Variants in EPG5 observed in about 807,000 individuals in gnomAD.
EPG5 encodes the protein ectopic P-granules 5 autophagy tethering factor.
A neutral mutation model predicts 302.7 loss-of-function variants in EPG5; 159 were observed. The observed-to-expected ratio is 0.53, with a 90% CI of 0.46 to 0.60. The LOEUF (loss-of-function observed/expected upper bound fraction) is 0.60. Among genes scored for constraint, EPG5 ranks in the 20% least tolerant of loss-of-function variants. The pLI, the probability that EPG5 is intolerant of heterozygous loss-of-function variation, is 0.00. For synonymous variants in EPG5, 1,158 were observed against 1,136.8 expected (o/e 1.02, Z -0.37); for missense variants, 2,896 against 3,092.4 (o/e 0.94, Z 1.51).
chr18:45,813,467 G>A, the EPG5 span, among the ~76,000 whole-genome samples: 7 of 152,244 alleles, frequency 4.6e-5, no homozygotes, highest in East Asian at 3.9e-4. Flanking sequence ...ACATGCACAC[G>A]TATGTTTATT....
chr18:45,846,158 A>C (rs1002192338), downstream of EPG5, among the ~76,000 whole-genome samples: 1 of 152,072 alleles, frequency 6.6e-6, no homozygotes, highest in Non-Finnish European at 1.5e-5. Flanking sequence ...CTGGCCACTA[A>C]AGTCCAGTCC....
chr18:45,948,408 GCT>G, intron 6 of EPG5, 93 bp downstream of exon 6: 1 of 947,554 alleles, frequency 1.1e-6, no homozygotes, highest in Admixed American at 1.9e-5. Flanking sequence ...ACTTCCCTTA[GCT>G]GTTCTTCTTT....
At chr18:45,961,705 A>C (rs571943810) in intron 1 of EPG5, among the ~76,000 whole-genome samples, 16 of 152,216 alleles carry the variant, frequency 1.1e-4, no homozygotes, top group African/African-American at 3.9e-4. Context: ...AAAGTAAAAA[A>C]ACATTAGCCA....
intron 26 of EPG5, 112 bp downstream of exon 26, chr18:45,900,884 A>G (rs1230011504): frequency 8.0e-7 from 1 of 1,255,164 alleles, no homozygotes; most frequent in East Asian, 2.3e-5. Flanking sequence ...AGGTTGGTCA[A>G]ACTATCCTCA....
Position 45,876,281 on chromosome 18 carries a change from G to T in EPG5, c.6004C>A (p.Gln2002Lys), listed in dbSNP as rs773417279. The T allele has an allele frequency of 6.2e-7, 1 of 1,614,094 alleles. No individual in the cohort carries two copies. Among genetic ancestry groups the T allele is most frequent in the Non-Finnish European group, 8.5e-7 (1 of 1,179,976 alleles). The change falls in exon 35 of 44, where the codon CAG (glutamine) becomes AAG (lysine). Residue 2002 changes from glutamine to lysine, a missense_variant. Gln to Lys is a moderately conservative substitution (Grantham distance 53). Transcript: ENST00000282041. ...GAGTCAATACAGTCAGTGAACAGCT[G>T]CACAATGCTTGAGGCCACCACAGTA... is the stretch of plus-strand genomic sequence containing the variant. ...SDTVVASSIVQLFTDCIDSLH... is the reference protein window; with the variant it reads ...SDTVVASSIVKLFTDCIDSLH...
chr18:45,870,471 G>T, intron 36 of EPG5, 96 bp downstream of exon 36: 1 of 1,096,134 alleles, frequency 9.1e-7, no homozygotes, highest in South Asian at 1.7e-5. Context: ...GTCCACGCTA[G>T]CACACACTGC....
At chr18:45,861,302 G>A (rs1039763753) in intron 39 of EPG5, among the ~76,000 whole-genome samples, 1 of 152,146 alleles carries the variant, frequency 6.6e-6, no homozygotes, top group Non-Finnish European at 1.5e-5. Flanking sequence ...ATTTCTATGG[G>A]TACAAATATT....
chr18:45,868,812 T>C (rs1042789968), intron 36 of EPG5, among the ~76,000 whole-genome samples: 1 of 151,676 alleles, frequency 6.6e-6, no homozygotes, highest in Middle Eastern at 3.2e-3. Flanking sequence ...TCCCAGCACT[T>C]TGGGAGGCCA....
rs148801363 is a variant in EPG5 at position 45,881,698 on chromosome 18, T to C, written c.5518+576A>G. Among the ~76,000 whole-genome samples, 680 of 152,272 alleles carry C rather than the reference T, an allele frequency of 4.5e-3. 5 individuals carry two copies. The highest frequency in any genetic ancestry group is 0.016 in the African/African-American group (648 of 41,546). ...TTTATTTCTCCTCTAAACTCTAAAA[T>C]TGCTATAGAAAATTGTAAGAAGGGG... On this transcript the variant is annotated intron_variant, in intron 31 of 43. Transcript: ENST00000282041.
At chr18:45,950,253 G>C (rs554732081) in intron 4 of EPG5, among the ~76,000 whole-genome samples, 9 of 152,150 alleles carry the variant, frequency 5.9e-5, no homozygotes, top group Admixed American at 1.3e-4. Flanking sequence ...AAGATATCTT[G>C]GTGATATGGT....
chr18:45,915,507 C>G lies in EPG5; in HGVS notation c.3693+4G>C, dbSNP rs1292946057. On this transcript the variant is annotated splice_donor_region_variant and intron_variant, in intron 20 of 43. Transcript: ENST00000282041. ...ACAAATGATCCTCTCAGTGAGTTTC[C>G]TACCTGAGTGGGCGTGGCCAAGCCC... 1.1e-5 allele frequency: 18 copies of G among 1,603,428 alleles called. No homozygotes were observed. The highest frequency in any genetic ancestry group is 1.5e-5 in the Non-Finnish European group (17 of 1,170,800).
intron 10 of EPG5, among the ~76,000 whole-genome samples, chr18:45,938,339 G>A (rs1457543441): frequency 1.3e-5 from 2 of 151,854 alleles, no homozygotes; most frequent in African/African-American, 4.8e-5. Flanking sequence ...GCAAGCGCCT[G>A]TAATCCCAGC....
At chr18:45,829,163 C>T in the EPG5 span, 1 of 985,408 alleles carries the variant, frequency 1.0e-6, no homozygotes, top group Non-Finnish European at 1.2e-6. Context: ...AGCCTGTGGC[C>T]CTGCCTCTCC....
intron 27 of EPG5, among the ~76,000 whole-genome samples, chr18:45,898,639 T>C (rs1321105423): frequency 6.6e-6 from 1 of 152,170 alleles, no homozygotes; most frequent in East Asian, 1.9e-4. Flanking sequence ...CCCACGTTCA[T>C]CTTCAGGGGC....
At chr18:45,949,748 G>A (rs911273220) in intron 4 of EPG5, among the ~76,000 whole-genome samples, 157 bp from the exon 5 acceptor site, 4 of 152,096 alleles carry the variant, frequency 2.6e-5, no homozygotes, top group Non-Finnish European at 5.9e-5. Context: ...GTTTCTACGA[G>A]GCCTACAAAT....
chr18:45,901,139 C>T lies in EPG5; in HGVS notation c.4503G>A (p.Arg1501=), dbSNP rs1364017556. 6.2e-7 allele frequency: 1 copy of T among 1,614,116 alleles called. No homozygotes were observed. Among genetic ancestry groups the T allele is most frequent in the Admixed American group, 1.7e-5 (1 of 60,014 alleles). Residue 1501 remains arginine, a synonymous_variant, in exon 26 of 44, where the codon CGG becomes CGA. Coordinates refer to ENST00000282041, the MANE Select transcript of EPG5 (RefSeq NM_020964.3). ...LAKERVLSNL[R]KHEAPQPPLA... is the part of the protein sequence containing the mutation. ...GGGGAGGCTGGGGAGCCTCATGCTT[C>T]CGCAAGTTACTTAAAACCCTTTCTT...
chr18:45,882,276 T>C lies in EPG5; in HGVS notation c.5516A>G (p.Gln1839Arg). 1 of 1,612,232 alleles carries C rather than the reference T, an allele frequency of 6.2e-7. No individual in the cohort carries two copies. Among genetic ancestry groups the C allele is most frequent in the Non-Finnish European group, 8.5e-7 (1 of 1,178,328 alleles). ...TACAATTAAATGAAGACACTTACTT[T>C]GCATAAGCAGCCTGAGAATGTCACT... is the stretch of plus-strand genomic sequence containing the variant. ...QYSDILRLLM[Q>R]SSAEQLLSPE... Residue 1839 changes from glutamine to arginine, a missense_variant and splice_region_variant, in exon 31 of 44, where the codon CAA becomes CGA. By Grantham distance (43) the Gln-to-Arg change is conservative (BLOSUM62 1). Transcript: ENST00000282041.
At position 45,949,573 on chromosome 18, in the gene EPG5, C is replaced by T. The variant is rs1482135186; in HGVS notation, c.1408G>A (p.Val470Ile). 6.2e-7 allele frequency: 1 copy of T among 1,611,420 alleles called. No homozygotes were observed. The highest frequency in any genetic ancestry group is 8.5e-7 in the Non-Finnish European group (1 of 1,177,828). Reference protein sequence around the residue: ...LQKLVSVLQRVGCPGDHLFLL... With the variant: ...LQKLVSVLQRIGCPGDHLFLL... ...AAGAGGTGATCTCCAGGACAGCCAA[C>T]TCTTTGTAGCACGGATACCTGAACA... Residue 470 changes from valine to isoleucine, a missense_variant, in exon 5 of 44, where the codon GTT becomes ATT. This residue lies in a region of EPG5 where 1,390 missense variants were observed against 1,430.0 expected (regional missense o/e 0.97). Transcript: ENST00000282041.
downstream of EPG5, chr18:45,842,751 G>C (rs377363518): frequency 6.4e-6 from 1 of 155,286 alleles, no homozygotes; most frequent in South Asian, 2.0e-4. Flanking sequence ...AAAGTACAAA[G>C]CCATCTTCTC....
Sources: gnomAD v4.1 joint callset for allele counts (sites outside exome capture counted in the v4.1 genomes callset) on GRCh38, gnomAD v4.1.1 for gene constraint, gnomAD v4.1.1 regional missense constraint, MANE v1.5 for transcripts, NCBI Gene and HGNC (gene_info 2026-07-23, HGNC 2026-07-21) for gene names.